Variants in RNF212 observed in about 807,000 individuals in gnomAD.
RNF212 encodes probable E3 SUMO-protein ligase RNF212.
A neutral mutation model predicts 34.7 loss-of-function variants in RNF212; 33 were observed. The ratio of observed to expected loss-of-function variants is 0.95; its 90% confidence interval spans 0.72 to 1.27. RNF212 has a LOEUF of 1.27. RNF212 is among the 50% of genes most tolerant of loss of function. The pLI is 0.00. For missense variants in RNF212, 377 were observed against 362.2 expected (o/e 1.04, Z -0.33); for synonymous variants, 140 against 136.1 (o/e 1.03, Z -0.20).
intron 2 of RNF212, among the ~76,000 whole-genome samples, chr4:1,098,253 G>T (rs1210649066): frequency 6.6e-6 from 1 of 152,176 alleles, no homozygotes; most frequent in Admixed American, 6.5e-5. Flanking sequence ...CCACTGAAAT[G>T]ATAGTAAAAT....
At chr4:1,102,657 C>T (rs190450354) in intron 2 of RNF212, among the ~76,000 whole-genome samples, 182 of 151,208 alleles carry the variant, frequency 1.2e-3, no homozygotes, top group African/African-American at 3.8e-3. Context: ...TCGAGACCAT[C>T]CTGGCTAACA....
rs35166968 is a variant in RNF212 at position 1,106,249 on chromosome 4, TACACACACACACACACACACAC to T, written c.171+2072_171+2093del. On this transcript the variant is annotated intron_variant, in intron 2 of 9. Transcript: ENST00000433731. ...CTTCTACATGTTAAACAATTTTACT[TACACACACACACACACACACAC>T]ACACACACACACACACACAGTCACT... Among the ~76,000 whole-genome samples the T allele has an allele frequency of 2.8e-3, 405 of 146,060 alleles. 1 individual carries two copies. The highest frequency in any genetic ancestry group is 4.7e-3 in the Non-Finnish European group (313 of 66,032).
At chr4:1,083,368 T>C (rs1720660084) in intron 5 of RNF212, among the ~76,000 whole-genome samples, 1 of 152,020 alleles carries the variant, frequency 6.6e-6, no homozygotes, top group Admixed American at 6.6e-5. Flanking sequence ...GGGGGCCGGG[T>C]GTGGTGGCTC....
chr4:1,071,115 TTG>T (rs1290169575), downstream of RNF212, among the ~76,000 whole-genome samples: 1 of 151,902 alleles, frequency 6.6e-6, no homozygotes, highest in Non-Finnish European at 1.5e-5. Flanking sequence ...AAAAACTAAT[TTG>T]TTTTTTTAAA....
intron 2 of RNF212, among the ~76,000 whole-genome samples, chr4:1,106,739 C>T (rs1319858226): frequency 2.6e-5 from 4 of 152,202 alleles, no homozygotes; most frequent in African/African-American, 9.6e-5. Context: ...TGCGAGGGTA[C>T]CGTGCGAGGA....
At chr4:1,097,797 G>T (rs1357276712) in intron 2 of RNF212, among the ~76,000 whole-genome samples, 1 of 152,176 alleles carries the variant, frequency 6.6e-6, no homozygotes, top group African/African-American at 2.4e-5. Context: ...AAGAAAAGAG[G>T]CTCACGCCTG....
chr4:1,096,895 C>G (rs1354086139), intron 2 of RNF212, 56 bp from the exon 3 acceptor site: 1 of 1,342,230 alleles, frequency 7.5e-7, no homozygotes, highest in African/African-American at 1.4e-5. Context: ...GCTTCTGGCC[C>G]CCAGTTAAAA....
intron 5 of RNF212, chr4:1,085,631 C>T (rs1721041733): frequency 3.7e-6 from 2 of 546,106 alleles, no homozygotes; most frequent in Admixed American, 3.3e-5. Flanking sequence ...CTCTCCCAGG[C>T]CCCTCCCACT....
At chr4:1,060,968 C>G (rs1260177322) in intron 3 of RNF212, among the ~76,000 whole-genome samples, 1 of 152,240 alleles carries the variant, frequency 6.6e-6, no homozygotes, top group Non-Finnish European at 1.5e-5. Context: ...TGAGTTATCT[C>G]TACGAAGCCA....
intron 2 of RNF212, chr4:1,107,305 C>T (rs367832540): frequency 7.2e-5 from 11 of 152,088 alleles, no homozygotes; most frequent in African/African-American, 2.7e-4. Context: ...CCTGCCTCAG[C>T]CTCCCAAAGT....
intron 2 of RNF212, among the ~76,000 whole-genome samples, chr4:1,097,448 T>C (rs1577777045): frequency 1.3e-5 from 2 of 151,614 alleles, no homozygotes; most frequent in African/African-American, 4.8e-5. Context: ...ACTAAAAATA[T>C]AAAAAAATTA....
intron 5 of RNF212, among the ~76,000 whole-genome samples, chr4:1,083,779 C>T (rs909113111): frequency 3.9e-5 from 6 of 152,052 alleles, no homozygotes; most frequent in Non-Finnish European, 5.9e-5. Flanking sequence ...CAGAGGCTGA[C>T]GTCGAGGGTG....
rs1041354810 is a variant in RNF212 at position 1,109,841 on chromosome 4, G to T, written c.110-1437C>A. On this transcript the variant is annotated intron_variant, in intron 1 of 9. Coordinates refer to ENST00000433731, the MANE Select transcript of RNF212 (RefSeq NM_001131034.4). ...GGCTTTCACTTGTGTATCCATACTC[G>T]CCTCAGTGTCCGCAGCTCCCAGCAC... 2.6e-5 allele frequency among the ~76,000 whole-genome samples: 4 copies of T among 152,198 alleles called. No homozygotes were observed. In the East Asian group the frequency reaches 7.7e-4, roughly 29 times the overall value.
chr4:1,082,130 G>A (rs954701256), intron 5 of RNF212, among the ~76,000 whole-genome samples: 1 of 151,626 alleles, frequency 6.6e-6, no homozygotes. Flanking sequence ...TCTCAAAAAA[G>A]GAAAAGGAAG....
rs115529949 is a variant in RNF212, at chr4:1,061,547, G to A, written n.148-3154C>T. Among the ~76,000 whole-genome samples the A allele has an allele frequency of 3.0e-3, 457 of 152,336 alleles. 1 individual carries two copies. Among genetic ancestry groups the A allele is most frequent in the Middle Eastern group, 6.8e-3 (2 of 294 alleles). ...CGGCCACAGAAGTGATGCCACAGGG[G>A]ACCAGGAACTGACTGGATATCGGCT... On this transcript the variant is annotated intron_variant and non_coding_transcript_variant, in intron 3 of 4. Coordinates refer to the RNF212 transcript ENST00000503206.
In RNF212 at chr4:1,105,267, G is replaced by A. The variant is rs149350433; in HGVS notation, c.171+3076C>T. Among the ~76,000 whole-genome samples the A allele has an allele frequency of 1.6e-3, 240 of 150,770 alleles. 3 individuals are homozygous for A. The highest frequency in any genetic ancestry group is 5.4e-3 in the African/African-American group (224 of 41,148). On this transcript the variant is annotated intron_variant, in intron 2 of 9. Transcript: ENST00000433731. The stretch of plus-strand genomic sequence containing the variant: ...CCTCAAGGAGGCAGATGCAGGGGGA[G>A]CACAGCTGCTGCTCTGCTCCGCGCT...
At chr4:1,101,441 AT>A (rs1645536928) in intron 2 of RNF212, 1 of 158,508 alleles carries the variant, frequency 6.3e-6, no homozygotes, top group African/African-American at 2.4e-5. Context: ...TAAACATGGT[AT>A]TCCCTTCTGC....
chr4:1,079,169 CCAACACAGGGT>C (rs1187087830), intron 8 of RNF212, among the ~76,000 whole-genome samples: 1 of 150,434 alleles, frequency 6.6e-6, no homozygotes, highest in African/African-American at 2.5e-5. Flanking sequence ...CAACATAGGA[CCAACACAGGGT>C]CAACACAAGA....
chr4:1,108,363 T>C lies in RNF212; in HGVS notation c.151A>G (p.Thr51Ala). 6.6e-7 allele frequency: 1 copy of C among 1,511,258 alleles called. No individual in the cohort carries two copies. Among genetic ancestry groups the C allele is most frequent in the Middle Eastern group, 1.7e-4 (1 of 5,802 alleles). The allele number at this position is 1,511,258 out of a possible 1,614,324, so 93.6% of individuals were successfully genotyped here. ...ECLICKAPCR[T>A]VLLSKHTDAD... is the part of the protein sequence containing the mutation. ...CTTACATGCTTTGAAAGCAAAACTG[T>C]ACGACAAGGAGCTTTACAAATCAAG... The change falls in exon 2 of 10, where the codon ACA becomes GCA. Residue 51 changes from threonine to alanine, a missense_variant. Transcript: ENST00000433731.
Sources: allele counts gnomAD v4.1 joint callset (sites outside exome capture counted in the v4.1 genomes callset), GRCh38; gene constraint gnomAD v4.1.1; transcripts MANE v1.5; gene names NCBI Gene and HGNC (gene_info 2026-07-23, HGNC 2026-07-21).